The following CHID1 variants were observed in gnomAD, a reference collection of about 807,000 sequenced individuals.
CHID1 encodes the protein chitinase domain containing 1.
In CHID1, 44 loss-of-function variants were observed where a neutral mutation model predicts 55.4. That is an observed-to-expected ratio of 0.79 (90% confidence interval 0.62 to 1.02). The LOEUF is 1.02. Among genes scored for constraint, CHID1 ranks in the 50% least tolerant of loss-of-function variants. The pLI, the probability that CHID1 is intolerant of heterozygous loss-of-function variation, is 0.00. For synonymous variants in CHID1, 216 were observed against 212.9 expected (o/e 1.01, Z -0.13); for missense variants, 491 against 515.3 (o/e 0.95, Z 0.46).
intron 10 of CHID1, among the ~76,000 whole-genome samples, chr11:873,553 AG>A (rs1302146332): frequency 1.3e-5 from 2 of 152,100 alleles, no homozygotes; most frequent in African/African-American, 4.8e-5. Flanking sequence ...GAGTGGGTGC[AG>A]GGAGCACTGC....
upstream of CHID1, among the ~76,000 whole-genome samples, chr11:913,078 T>C (rs1028553902): frequency 1.2e-4 from 19 of 152,026 alleles, no homozygotes; most frequent in African/African-American, 4.6e-4. Flanking sequence ...TATGAGTTTT[T>C]AGCCAGGTGC....
intron 8 of CHID1, among the ~76,000 whole-genome samples, chr11:887,914 T>A (rs933711777): frequency 6.6e-6 from 1 of 152,192 alleles, no homozygotes; most frequent in Non-Finnish European, 1.5e-5. Context: ...TGAGGCCACG[T>A]GTCCAGGATC....
intron 11 of CHID1, 123 bp downstream of exon 11, chr11:870,296 C>A: frequency 3.6e-6 from 5 of 1,386,034 alleles, no homozygotes; most frequent in Non-Finnish European, 5.1e-6. Flanking sequence ...GCTCCAGGGC[C>A]GGGAGCAGCA....
chr11:904,783 G>A lies in CHID1; in HGVS notation c.34C>T (p.Leu12=), dbSNP rs373565045. 3.7e-6 allele frequency: 6 copies of A among 1,614,084 alleles called. No homozygotes were observed. The highest frequency in any genetic ancestry group is 5.1e-6 in the Non-Finnish European group (6 of 1,180,036). The change falls in exon 2 of 13, where the codon CTG becomes TTG. Residue 12 remains leucine (L), a synonymous_variant. Transcript: ENST00000323578. ...RTLFNLLWLA[L]ACSPVHTTLS... is the part of the protein sequence containing the mutation. The stretch of plus-strand genomic sequence containing the variant: ...GTAGTGTGAACAGGGCTGCAGGCCA[G>A]GGCAAGCCAGAGGAGGTTGAAGAGT...
intron 1 of CHID1, among the ~76,000 whole-genome samples, chr11:906,862 C>T (rs1242332641): frequency 6.6e-6 from 1 of 151,984 alleles, no homozygotes; most frequent in Non-Finnish European, 1.5e-5. Flanking sequence ...AACCCTGTCT[C>T]TACTGAAAAT....
chr11:882,065 C>T (rs556380395), intron 10 of CHID1, among the ~76,000 whole-genome samples: 1 of 151,282 alleles, frequency 6.6e-6, no homozygotes, highest in Non-Finnish European at 1.5e-5. Context: ...GGTGGCTCAC[C>T]CCTGTAATCC....
rs1188761373 is a variant in CHID1 at position 902,957 on chromosome 11, C to A, written c.261+5G>T. The A allele has an allele frequency of 6.2e-7, 1 of 1,612,842 alleles. No homozygotes were observed. Among genetic ancestry groups the A allele is most frequent in the Admixed American group, 1.7e-5 (1 of 59,994 alleles). On this transcript the variant is annotated splice_donor_5th_base_variant and intron_variant, in intron 3 of 12. Transcript: ENST00000323578. ...TCCCTCTGCACTGTGAGGGCCCCAACTTACTGGAGTGACATAGCCCAGTAC... is the reference window on the plus strand; with the variant it reads ...TCCCTCTGCACTGTGAGGGCCCCAAATTACTGGAGTGACATAGCCCAGTAC...
intron 8 of CHID1, among the ~76,000 whole-genome samples, chr11:889,219 A>G (rs1367067533): frequency 6.6e-6 from 1 of 152,112 alleles, no homozygotes; most frequent in Non-Finnish European, 1.5e-5. Flanking sequence ...GTCTCCTGCC[A>G]TGTACCCACA....
At chr11:895,613 C>G (rs1444179108) in intron 7 of CHID1, among the ~76,000 whole-genome samples, 2 of 152,150 alleles carry the variant, frequency 1.3e-5, no homozygotes, top group Non-Finnish European at 2.9e-5. Context: ...TCAGGAGGGA[C>G]CAGAGGCAGC....
chr11:874,232 C>A (rs538750331), intron 10 of CHID1, among the ~76,000 whole-genome samples: 1 of 152,110 alleles, frequency 6.6e-6, no homozygotes, highest in Non-Finnish European at 1.5e-5. Flanking sequence ...GAGGCTGAGG[C>A]GGGCGGATCA....
chr11:893,589 G>A (rs1043950923), intron 7 of CHID1, 70 bp from the exon 8 acceptor site: 20 of 1,254,410 alleles, frequency 1.6e-5, no homozygotes, highest in Middle Eastern at 2.3e-4. Flanking sequence ...TGTGACACCC[G>A]CTGCCTCAGG....
intron 10 of CHID1, among the ~76,000 whole-genome samples, chr11:880,458 T>C (rs1849831258): frequency 6.6e-6 from 1 of 152,098 alleles, no homozygotes; most frequent in African/African-American, 2.4e-5. Context: ...AGTGTGCACG[T>C]AGAGTGTCGG....
chr11:899,949 C>A, intron 6 of CHID1, 55 bp downstream of exon 6: 1 of 1,384,918 alleles, frequency 7.2e-7, no homozygotes, highest in Non-Finnish European at 1.0e-6. Flanking sequence ...AGCCAGACGG[C>A]CAGGTGGGAC....
intron 10 of CHID1, among the ~76,000 whole-genome samples, chr11:878,634 GAACT>G (rs1253827533): frequency 2.0e-5 from 3 of 151,716 alleles, no homozygotes; most frequent in Admixed American, 1.3e-4. Context: ...AACAGAAAAC[GAACT>G]AACACAAGTC....
In CHID1 at chr11:902,405, C is replaced by T. The variant is rs113490789; in HGVS notation, c.262-75G>A. On this transcript the variant is annotated intron_variant, in intron 3 of 12. Coordinates refer to ENST00000323578, the MANE Select transcript of CHID1 (RefSeq NM_023947.4). The stretch of plus-strand genomic sequence containing the variant: ...TCTCACCATGGTGCTGTCATTCTGG[C>T]GCCTCTGGACGTGCCCAGGGCTGGC... 11,941 of 1,542,134 alleles carry T rather than the reference C, an allele frequency of 7.7e-3. 729 individuals carry two copies. In the African/African-American group the frequency reaches 0.14, roughly 18 times the overall value.
chr11:905,133 C>T (rs957448522), intron 1 of CHID1, among the ~76,000 whole-genome samples: 1 of 152,254 alleles, frequency 6.6e-6, no homozygotes, highest in Non-Finnish European at 1.5e-5. Flanking sequence ...CCTCCCCTCA[C>T]AGCCCAAGGC....
intron 1 of CHID1, among the ~76,000 whole-genome samples, chr11:909,604 T>C (rs1459762424): frequency 6.6e-6 from 1 of 152,246 alleles, no homozygotes; most frequent in Non-Finnish European, 1.5e-5. Context: ...ATGTCATGTG[T>C]GCACATGTGT....
chr11:873,670 C>T (rs942203895), intron 10 of CHID1, among the ~76,000 whole-genome samples: 1 of 152,114 alleles, frequency 6.6e-6, no homozygotes, highest in African/African-American at 2.4e-5. Context: ...AACAGACAAA[C>T]CTACAGAGAC....
intron 8 of CHID1, among the ~76,000 whole-genome samples, chr11:892,980 C>A (rs769048864): frequency 1.3e-5 from 2 of 152,222 alleles, no homozygotes; most frequent in Non-Finnish European, 2.9e-5. Flanking sequence ...CCGCACACAG[C>A]GAGTGGCCCG....
Sources: allele counts gnomAD v4.1 joint callset (sites outside exome capture counted in the v4.1 genomes callset), GRCh38; gene constraint gnomAD v4.1.1; transcripts MANE v1.5; gene names NCBI Gene and HGNC (gene_info 2026-07-23, HGNC 2026-07-21).